Variants in MGAT4A observed in about 807,000 individuals in gnomAD.
MGAT4A encodes the protein alpha-1,3-mannosyl-glycoprotein 4-beta-N-acetylglucosaminyltransferase A.
A neutral mutation model predicts 74.1 loss-of-function variants in MGAT4A; 33 were observed. The ratio of observed to expected loss-of-function variants is 0.45; its 90% CI spans 0.34 to 0.60. The LOEUF (loss-of-function observed/expected upper bound fraction) is 0.60, where lower values mean the gene tolerates loss of function less well. Ranked by LOEUF, MGAT4A falls within the 20% of genes least tolerant of loss-of-function variation. MGAT4A has a pLI of 0.02. For synonymous variants in MGAT4A, 198 were observed against 210.4 expected, an observed-to-expected ratio of 0.94 and a Z score of 0.51; for missense variants, 479 against 628.3, an observed-to-expected ratio of 0.76 and a Z score of 2.54.
chr2:98,650,274 G>C (rs928065694), intron 8 of MGAT4A, among the ~76,000 whole-genome samples: 1 of 152,090 alleles, frequency 6.6e-6, no homozygotes, highest in African/African-American at 2.4e-5. Flanking sequence ...GATACCCTAA[G>C]GGACCTATGG....
chr2:98,687,704 T>C (rs1702147541), intron 2 of MGAT4A, among the ~76,000 whole-genome samples: 1 of 152,210 alleles, frequency 6.6e-6, no homozygotes, highest in East Asian at 1.9e-4. Flanking sequence ...TCCTTTTTCT[T>C]TGTTTCAAAT....
intron 2 of MGAT4A, among the ~76,000 whole-genome samples, chr2:98,690,301 G>A (rs1702178142): frequency 6.6e-6 from 1 of 152,190 alleles, no homozygotes; most frequent in Non-Finnish European, 1.5e-5. Flanking sequence ...GAGCCTCCTG[G>A]TGAGGTGTGA....
intron 6 of MGAT4A, 41 bp from the exon 7 acceptor site, chr2:98,656,506 G>A: frequency 7.4e-7 from 1 of 1,351,424 alleles, no homozygotes; most frequent in East Asian, 2.3e-5. Context: ...AGTTCTGTGG[G>A]ATTTTATTTA....
chr2:98,693,037 A>AAG (rs1257732217), intron 2 of MGAT4A, among the ~76,000 whole-genome samples: 1 of 152,250 alleles, frequency 6.6e-6, no homozygotes, highest in Non-Finnish European at 1.5e-5. Flanking sequence ...AGAGACAAAG[A>AAG]AGAAATCTTG....
At chr2:98,696,947 A>G (rs959715195) in intron 2 of MGAT4A, among the ~76,000 whole-genome samples, 4 of 152,114 alleles carry the variant, frequency 2.6e-5, no homozygotes, top group African/African-American at 9.7e-5. Flanking sequence ...CTGCATTGTG[A>G]TCCACTTTTT....
In MGAT4A at chr2:98,621,339, G is replaced by C; in HGVS notation, c.*4227C>G. 6.7e-7 allele frequency: 1 copy of C among 1,500,594 alleles called. No homozygotes were observed. Among genetic ancestry groups the C allele is most frequent in the South Asian group, 1.3e-5 (1 of 77,042 alleles). 93.0% of individuals were successfully genotyped at this position (1,500,594 alleles called of 1,614,324 possible). A position where few individuals can be genotyped will look rare whatever the true frequency, so the allele number is the denominator to read the frequency against. ...GCTGAATTCAGTTCCCGTGGCTGTAGGACTGCAGTTCCCAGCTCCTTTGCT... is the reference window on the plus strand; with the variant it reads ...GCTGAATTCAGTTCCCGTGGCTGTACGACTGCAGTTCCCAGCTCCTTTGCT... On this transcript the variant is annotated 3_prime_UTR_variant, in exon 16 of 16. Transcript: ENST00000393487.
intron 9 of MGAT4A, among the ~76,000 whole-genome samples, chr2:98,644,677 A>G (rs1701459498): frequency 1.3e-5 from 2 of 151,908 alleles, no homozygotes; most frequent in African/African-American, 2.4e-5. Flanking sequence ...CTCGTCCCCA[A>G]GGCTGGAATG....
chr2:98,701,752 T>C (rs549390835), intron 2 of MGAT4A, among the ~76,000 whole-genome samples: 1 of 152,356 alleles, frequency 6.6e-6, no homozygotes, highest in Non-Finnish European at 1.5e-5. Context: ...TTCTAGACCC[T>C]AGTTAGGTCC....
At chr2:98,664,990 C>A (rs1701802987) in intron 4 of MGAT4A, among the ~76,000 whole-genome samples, 3 of 152,172 alleles carry the variant, frequency 2.0e-5, no homozygotes, top group South Asian at 2.1e-4. Flanking sequence ...CTTAATCATG[C>A]AACAATTTTT....
intron 14 of MGAT4A, among the ~76,000 whole-genome samples, chr2:98,633,612 G>A (rs1018943659): frequency 2.6e-5 from 4 of 152,164 alleles, no homozygotes; most frequent in Non-Finnish European, 4.4e-5. Flanking sequence ...AAGATCAGTT[G>A]CTCTTTAGTT....
chr2:98,700,630 C>T (rs1157680382), intron 2 of MGAT4A, among the ~76,000 whole-genome samples: 4 of 152,176 alleles, frequency 2.6e-5, no homozygotes, highest in South Asian at 2.1e-4. Context: ...GTGGCTCATG[C>T]GTGTAATCCC....
In MGAT4A at chr2:98,620,260, T is replaced by A. The variant is rs1220283129; in HGVS notation, c.*5306A>T. 1.3e-5 allele frequency: 2 copies of A among 152,218 alleles called. No individual in the cohort carries two copies. The highest frequency in any genetic ancestry group is 4.8e-5 in the African/African-American group (2 of 41,452). The allele number at this position is 152,218 out of a possible 1,614,324, so 9.4% of individuals were successfully genotyped here. ...TACTAGTTATCGTAGCATATAAGAT[T>A]CATAATTTAAAATGCACAACTACCA... is the stretch of plus-strand genomic sequence containing the variant. On this transcript the variant is annotated 3_prime_UTR_variant, in exon 16 of 16. Transcript: ENST00000393487.
At chr2:98,675,627 G>C (rs757627560) in intron 3 of MGAT4A, among the ~76,000 whole-genome samples, 1 of 149,754 alleles carries the variant, frequency 6.7e-6, no homozygotes, top group Non-Finnish European at 1.5e-5. Flanking sequence ...GTTCACTGTC[G>C]CCTTGACCTC....
chr2:98,679,021 C>A (rs1244916283), intron 2 of MGAT4A, among the ~76,000 whole-genome samples: 1 of 152,140 alleles, frequency 6.6e-6, no homozygotes, highest in African/African-American at 2.4e-5. Context: ...TCCCTAAAAA[C>A]CCAGTGAGTG....
chr2:98,669,291 G>C (rs1478335306), intron 4 of MGAT4A, among the ~76,000 whole-genome samples: 1 of 152,156 alleles, frequency 6.6e-6, no homozygotes, highest in Non-Finnish European at 1.5e-5. Context: ...TCTCCTGACA[G>C]TGAATAAGCC....
At chr2:98,674,727 G>A (rs1390087273) in intron 4 of MGAT4A, among the ~76,000 whole-genome samples, 1 of 152,222 alleles carries the variant, frequency 6.6e-6, no homozygotes, top group African/African-American at 2.4e-5. Context: ...TTTGAAATAA[G>A]ATACAAGGCA....
At chr2:98,680,837 G>T (rs1013300316) in intron 2 of MGAT4A, among the ~76,000 whole-genome samples, 4 of 152,198 alleles carry the variant, frequency 2.6e-5, no homozygotes, top group African/African-American at 9.7e-5. Flanking sequence ...TAAGTTTTAT[G>T]TGAAGAAAAG....
intron 4 of MGAT4A, among the ~76,000 whole-genome samples, chr2:98,668,410 T>A (rs1701867035): frequency 6.6e-6 from 1 of 152,196 alleles, no homozygotes; most frequent in Non-Finnish European, 1.5e-5. Context: ...AGCTTCCATG[T>A]GGTGTTGAGC....
chr2:98,646,917 G>C (rs9308813), intron 8 of MGAT4A, among the ~76,000 whole-genome samples: 85,345 of 151,728 alleles, frequency 0.56, 26,765 homozygotes, highest in African/African-American at 0.85. Context: ...GTAACATAAT[G>C]ATACTTTAAA....
Sources: allele counts gnomAD v4.1 joint callset (sites outside exome capture counted in the v4.1 genomes callset), GRCh38; gene constraint gnomAD v4.1.1; transcripts MANE v1.5; gene names NCBI Gene and HGNC (gene_info 2026-07-23, HGNC 2026-07-21).